The following RGS9 variants were observed in gnomAD, a reference collection of about 807,000 sequenced individuals.
RGS9 encodes regulator of G-protein signalling 9.
In RGS9, 78 loss-of-function variants were observed where a neutral mutation model predicts 102.0. The observed-to-expected ratio is 0.76, with a 90% CI of 0.64 to 0.92. RGS9 has a LOEUF of 0.92. Among genes scored for constraint, RGS9 ranks in the 40% least tolerant of loss-of-function variants. The pLI, the probability that RGS9 is intolerant of heterozygous loss-of-function variation, is 0.00. For synonymous variants in RGS9, 353 were observed against 318.6 expected (o/e 1.11, Z -1.15); for missense variants, 833 against 866.1 (o/e 0.96, Z 0.48).
chr17:65,224,212 T>C (rs1283975467), intron 17 of RGS9, among the ~76,000 whole-genome samples: 1 of 152,238 alleles, frequency 6.6e-6, no homozygotes, highest in Non-Finnish European at 1.5e-5. Flanking sequence ...TTTGTCTGCT[T>C]TCAGGCAACT....
chr17:65,195,039 A>T (rs1912531593), intron 12 of RGS9, among the ~76,000 whole-genome samples: 1 of 152,204 alleles, frequency 6.6e-6, no homozygotes, highest in African/African-American at 2.4e-5. Flanking sequence ...AAGACTCTAG[A>T]ACTACCTTCT....
chr17:65,168,667 TG>T lies in RGS9; in HGVS notation c.582+388del, dbSNP rs571333437. ...GCAGAAAAATAGAGTCCCGTGAGAA[TG>T]GAAACTGCTTGGCCAAAGTTCTCCT... On this transcript the variant is annotated intron_variant, in intron 8 of 18. Transcript: ENST00000262406. 2.8e-3 allele frequency among the ~76,000 whole-genome samples: 418 copies of T among 149,550 alleles called. 2 individuals carry two copies. The highest frequency in any genetic ancestry group is 9.7e-3 in the African/African-American group (394 of 40,510).
In RGS9 at chr17:65,153,421, G is replaced by A; in HGVS notation, c.58-1G>A. On this transcript the variant is annotated splice_acceptor_variant, in intron 1 of 18. Transcript: ENST00000262406. LOFTEE classifies it high-confidence loss of function. ...CGGCTTTTTCCTGTTCTGTCTTGCAGATTGAAGCGCTCGTGAAGGACATGC... is the reference window on the plus strand; with the variant it reads ...CGGCTTTTTCCTGTTCTGTCTTGCAAATTGAAGCGCTCGTGAAGGACATGC... 6.2e-7 allele frequency: 1 copy of A among 1,613,734 alleles called. No individual in the cohort carries two copies. The highest frequency in any genetic ancestry group is 8.5e-7 in the Non-Finnish European group (1 of 1,179,624).
At position 65,173,858 on chromosome 17, in the gene RGS9, C is replaced by A. The variant is rs2144027403; in HGVS notation, c.583-3874C>A. 6.6e-6 allele frequency among the ~76,000 whole-genome samples: 1 copy of A among 150,490 alleles called. No individual in the cohort carries two copies. Among genetic ancestry groups the A allele is most frequent in the South Asian group, 2.1e-4 (1 of 4,828 alleles). Reference sequence around the variant, plus strand: ...TGAAGAAATGGATGAATGAAAGGAGCTTGGGAGTCTCTGAAACCAGCAGAG... The same window carrying A: ...TGAAGAAATGGATGAATGAAAGGAGATTGGGAGTCTCTGAAACCAGCAGAG... On this transcript the variant is annotated intron_variant, in intron 8 of 18. Coordinates refer to ENST00000262406, the MANE Select transcript of RGS9 (RefSeq NM_003835.4). This position sits in a 1 kb window ranked among gnomAD's most constrained non-coding sequence, Gnocchi z 4.8.
chr17:65,156,566 C>T (rs1329938339), intron 2 of RGS9, among the ~76,000 whole-genome samples: 1 of 152,212 alleles, frequency 6.6e-6, no homozygotes, highest in Non-Finnish European at 1.5e-5. Context: ...CCCAGGGCTT[C>T]CTCGGGACAA....
chr17:65,160,825 G>A, intron 5 of RGS9, 26 bp from the exon 6 acceptor site: 2 of 1,611,794 alleles, frequency 1.2e-6, no homozygotes, highest in Non-Finnish European at 8.5e-7. Flanking sequence ...GATGATGATG[G>A]AAAATGTCAT....
At chr17:65,143,686 A>T (rs1910243326) in intron 1 of RGS9, among the ~76,000 whole-genome samples, 1 of 151,304 alleles carries the variant, frequency 6.6e-6, no homozygotes, top group South Asian at 2.1e-4. Context: ...CCCAGCTACT[A>T]GGGAGGCTGA....
intron 1 of RGS9, among the ~76,000 whole-genome samples, chr17:65,137,880 T>C (rs1909970862): frequency 6.6e-6 from 1 of 152,244 alleles, no homozygotes; most frequent in Non-Finnish European, 1.5e-5. Context: ...GTTCAGGCTG[T>C]GGCAGATTTG....
chr17:65,189,052 A>C, intron 9 of RGS9: 1 of 585,290 alleles, frequency 1.7e-6, no homozygotes, highest in East Asian at 2.9e-5. Flanking sequence ...TAGGTGAGCA[A>C]AGTTACAGTG....
At chr17:65,165,292 C>G (rs933043129) in intron 7 of RGS9, among the ~76,000 whole-genome samples, 2 of 152,160 alleles carry the variant, frequency 1.3e-5, no homozygotes, top group African/African-American at 4.8e-5. Flanking sequence ...TCTGTGCTGC[C>G]CAGGTCCTGG....
intron 8 of RGS9, among the ~76,000 whole-genome samples, chr17:65,169,591 C>T (rs892802628): frequency 2.0e-5 from 3 of 152,308 alleles, no homozygotes; most frequent in African/African-American, 2.4e-5. Context: ...AGGTAAAGAA[C>T]GGCTTCTATA....
rs1196262617 is a variant in RGS9 at position 65,177,749 on chromosome 17, G to A, written c.600G>A (p.Val200=). 3 of 1,614,170 alleles carry A rather than the reference G, an allele frequency of 1.9e-6. No individual in the cohort carries two copies. The South Asian group carries it at 3.3e-5, about 18-fold the overall frequency. ...CCATTTAGCCTGGAATGGACAATGTGCTGGACTACGGCCTGGACCGAGTGA... is the reference window on the plus strand; with the variant it reads ...CCATTTAGCCTGGAATGGACAATGTACTGGACTACGGCCTGGACCGAGTGA... ...VHRCPPGMDN[V]LDYGLDRVTN... Residue 200 remains valine (V), a synonymous_variant, in exon 9 of 19, where the codon GTG becomes GTA. Transcript: ENST00000262406.
intron 13 of RGS9, among the ~76,000 whole-genome samples, chr17:65,200,754 A>G (rs9910643): frequency 0.2 from 30,608 of 151,704 alleles, 5,208 homozygotes; most frequent in African/African-American, 0.44. Flanking sequence ...TTATAGGTGG[A>G]TTTTTTTTTC....
intron 15 of RGS9, among the ~76,000 whole-genome samples, chr17:65,207,623 A>G (rs1913117213): frequency 6.6e-6 from 1 of 152,176 alleles, no homozygotes. Context: ...ATAGGATCTG[A>G]AGCTGTGAGC....
intron 8 of RGS9, among the ~76,000 whole-genome samples, 198 bp from the exon 9 acceptor site, chr17:65,177,534 A>T (rs112249684): frequency 7.9e-5 from 12 of 152,062 alleles, no homozygotes; most frequent in African/African-American, 2.9e-4. Flanking sequence ...GGTGCTGGGG[A>T]TACTGGGAGG....
rs143298578 is a variant in RGS9 at position 65,198,286 on chromosome 17, C to T, written c.976+1045C>T. On this transcript the variant is annotated intron_variant, in intron 13 of 18. Transcript: ENST00000262406. The stretch of plus-strand genomic sequence containing the variant: ...TTTTTTTTTTTTTGATATGGAGTCT[C>T]GCTCTGTTGCCCAGGCTGAAGTGCA... Among the ~76,000 whole-genome samples, 1,239 of 150,840 alleles carry T rather than the reference C, an allele frequency of 8.2e-3. 15 individuals carry two copies. The highest frequency in any genetic ancestry group is 0.029 in the African/African-American group (1,190 of 41,096).
At position 65,210,613 on chromosome 17, in the gene RGS9, G is replaced by A. The variant is rs1913255980; in HGVS notation, c.1407+8G>A. On this transcript the variant is annotated splice_region_variant and intron_variant, in intron 17 of 18. Transcript: ENST00000262406. ...ACTGTGGACATCACCCAGGTCATGA[G>A]CAAGCTGGACCGCAGGAGCCAACTC... 7 of 1,613,532 alleles carry A rather than the reference G, an allele frequency of 4.3e-6. No individual in the cohort carries two copies. The highest frequency in any genetic ancestry group is 1.3e-5 in the African/African-American group (1 of 74,930).
At chr17:65,172,770 G>T (rs925418878) in intron 8 of RGS9, among the ~76,000 whole-genome samples, 2 of 152,068 alleles carry the variant, frequency 1.3e-5, no homozygotes, top group African/African-American at 4.8e-5. Context: ...GGAGGCAGGG[G>T]CTCTGCGTCC....
Position 65,160,255 on chromosome 17 carries a change from T to G in RGS9, c.228T>G (p.Phe76Leu), listed in dbSNP as rs1365887745. ...CAGAGGCACAGAACTTGGGCAACTT[T>G]ATTGTCAGGTATGGCTACATTTACC... ...SSLEAQNLGN[F>L]IVRYGYIYPL... is the part of the protein sequence containing the mutation. The change falls in exon 4 of 19, where the codon TTT (phenylalanine) becomes TTG (leucine). Residue 76 changes from phenylalanine to leucine, a missense_variant. By Grantham distance (22) the Phe-to-Leu change is conservative. Transcript: ENST00000262406. 2 of 1,614,170 alleles carry G rather than the reference T, an allele frequency of 1.2e-6. No homozygotes were observed. Among genetic ancestry groups the G allele is most frequent in the South Asian group, 2.2e-5 (2 of 91,090 alleles).
Sources: allele counts gnomAD v4.1 joint callset (sites outside exome capture counted in the v4.1 genomes callset), GRCh38; gene constraint gnomAD v4.1.1; non-coding constraint Gnocchi (gnomAD v3.1); transcripts MANE v1.5; gene names NCBI Gene and HGNC (gene_info 2026-07-23, HGNC 2026-07-21).